STX1B: variants seen among roughly 807,000 people sequenced by gnomAD.
The protein encoded by STX1B is syntaxin-1B.
Under a neutral mutation model 39.4 loss-of-function variants are expected in STX1B, and 7 were observed. The ratio of observed to expected loss-of-function variants is 0.18; its 90% CI spans 0.10 to 0.33. The LOEUF (loss-of-function observed/expected upper bound fraction) is 0.33, where lower values mean the gene tolerates loss of function less well. Ranked by LOEUF, STX1B falls within the 10% of genes least tolerant of loss-of-function variation. The probability of loss-of-function intolerance (pLI) is 1.00; values close to 1 mark genes in which losing one functional copy is unlikely to be tolerated. For missense variants in STX1B, 198 were observed against 383.2 expected, an observed-to-expected ratio of 0.52 and a Z score of 4.04; for synonymous variants, 136 against 144.1, an observed-to-expected ratio of 0.94 and a Z score of 0.40.
chr16:30,996,672 C>A lies in STX1B; in HGVS notation c.537+11G>T, dbSNP rs2143668495. ...TTTCCAAAAGCAGAGCCCGCCCCAC[C>A]CGCGGCTCACGTCATCTGTGAAGAT... On this transcript the variant is annotated intron_variant, in intron 7 of 9. Transcript: ENST00000215095. The A allele has an allele frequency of 6.2e-7, 1 of 1,612,512 alleles. No individual in the cohort carries two copies.
chr16:31,001,464 G>A lies in STX1B; in HGVS notation c.105+65C>T. 2 of 1,296,352 alleles carry A rather than the reference G, an allele frequency of 1.5e-6. No individual in the cohort carries two copies. Among genetic ancestry groups the A allele is most frequent in the Non-Finnish European group, 2.1e-6 (2 of 932,686 alleles). The allele number at this position is 1,296,352 out of a possible 1,614,324, so 80.3% of individuals were successfully genotyped here. ...GTGCCGGGGCTGAGGCTGGGCGGTGGGACTAGGGGCTGGGGCTGGGTGCTG... is the reference window on the plus strand; with the variant it reads ...GTGCCGGGGCTGAGGCTGGGCGGTGAGACTAGGGGCTGGGGCTGGGTGCTG... On this transcript the variant is annotated intron_variant, in intron 2 of 9. Coordinates refer to ENST00000215095, the MANE Select transcript of STX1B (RefSeq NM_052874.5). This position sits in a 1 kb window ranked among gnomAD's most constrained non-coding sequence, Gnocchi z 5.5.
chr16:30,992,984 G>T, intron 9 of STX1B, 83 bp from the exon 10 acceptor site: 1 of 1,368,482 alleles, frequency 7.3e-7, no homozygotes, highest in Non-Finnish European at 1.0e-6. Flanking sequence ...AGGGCAGAGG[G>T]TGGCAGGGAG....
intron 7 of STX1B, among the ~76,000 whole-genome samples, chr16:30,994,815 A>T (rs2056583049): frequency 6.8e-6 from 1 of 146,224 alleles, no homozygotes; most frequent in Non-Finnish European, 1.5e-5. Flanking sequence ...CTCTCCCCTC[A>T]TCTCCTGCTC....
chr16:30,994,246 T>C (rs34454770), intron 7 of STX1B, among the ~76,000 whole-genome samples: 41,350 of 148,608 alleles, frequency 0.28, 7,512 homozygotes, highest in South Asian at 0.69. Context: ...GAGCCGAGAT[T>C]GCGCCACTGC....
intron 1 of STX1B, 126 bp downstream of exon 1, chr16:31,010,241 T>A: frequency 4.6e-6 from 3 of 652,128 alleles, no homozygotes; most frequent in Non-Finnish European, 7.0e-6. Flanking sequence ...GATACTGGGG[T>A]GCTCCGGCTA....
chr16:30,994,225 G>C (rs533918915), intron 7 of STX1B, among the ~76,000 whole-genome samples: 1 of 151,730 alleles, frequency 6.6e-6, no homozygotes, highest in South Asian at 2.1e-4. Flanking sequence ...CCGGGAGGCG[G>C]AGCTTGCAGT....
At chr16:31,004,771 A>G (rs372393140) in intron 1 of STX1B, among the ~76,000 whole-genome samples, 3 of 152,108 alleles carry the variant, frequency 2.0e-5, no homozygotes, top group African/African-American at 4.8e-5. Flanking sequence ...CTGAGTGGTA[A>G]CAATGCCTAC....
intron 1 of STX1B, 150 bp downstream of exon 1, chr16:31,010,217 A>C: frequency 2.1e-6 from 1 of 478,152 alleles, no homozygotes. Context: ...CTGGAGAGAC[A>C]TCAGGCGCCT....
At position 30,991,539 on chromosome 16, in the gene STX1B, G is replaced by A. The variant is rs1251300589; in HGVS notation, c.*1282C>T. The stretch of plus-strand genomic sequence containing the variant: ...GTGTGTGTGTGTGTGTAATACGCAG[G>A]GCAGAAACACACCATGTAGGTCAGG... On this transcript the variant is annotated 3_prime_UTR_variant, in exon 10 of 10. Coordinates refer to ENST00000215095, the MANE Select transcript of STX1B (RefSeq NM_052874.5). 1 of 152,556 alleles carries A rather than the reference G, an allele frequency of 6.6e-6. No individual in the cohort carries two copies. The highest frequency in any genetic ancestry group is 2.4e-5 in the African/African-American group (1 of 41,350). The allele number at this position is 152,556 out of a possible 1,614,324, so 9.5% of individuals were successfully genotyped here.
chr16:30,997,522 G>A lies in STX1B; in HGVS notation c.334C>T (p.Leu112=). Residue 112 remains leucine (L), a synonymous_variant, in exon 5 of 10, where the codon CTG becomes TTG. Transcript: ENST00000215095. ...CCTACCTGGGTCTTGCGGATGCGCA[G>A]GTCCGCGGAGGAACGGTTCAGCCCC... is the stretch of plus-strand genomic sequence containing the variant. ...EEGLNRSSAD[L]RIRKTQHSTL... 1 of 1,609,328 alleles carries A rather than the reference G, an allele frequency of 6.2e-7. No individual in the cohort carries two copies. The highest frequency in any genetic ancestry group is 2.2e-5 in the East Asian group (1 of 44,652).
chr16:31,004,871 T>C (rs1337109928), intron 1 of STX1B, among the ~76,000 whole-genome samples: 1 of 151,988 alleles, frequency 6.6e-6, no homozygotes, highest in African/African-American at 2.4e-5. Context: ...AGGCCAGAGG[T>C]AGGACCTGAA....
chr16:31,002,652 G>A (rs2056636579), intron 1 of STX1B, among the ~76,000 whole-genome samples: 1 of 152,160 alleles, frequency 6.6e-6, no homozygotes, highest in African/African-American at 2.4e-5. Flanking sequence ...GAGGTGCCCT[G>A]TGCTACACAC....
intron 7 of STX1B, chr16:30,996,282 C>T (rs541913005): frequency 5.9e-6 from 1 of 169,578 alleles, no homozygotes; most frequent in Non-Finnish European, 1.3e-5. Context: ...CAGAGTATGT[C>T]GTGTATCCTA....
chr16:31,001,383 G>GA lies in STX1B; in HGVS notation c.105+145_105+146insT. The GA allele has an allele frequency of 3.7e-6, 3 of 819,114 alleles. No homozygotes were observed. Among genetic ancestry groups the GA allele is most frequent in the Non-Finnish European group, 5.8e-6 (3 of 517,234 alleles). The allele number at this position is 819,114 out of a possible 1,614,324, so 50.7% of individuals were successfully genotyped here. A position where few individuals can be genotyped will look rare whatever the true frequency, so the allele number is the denominator to read the frequency against. ...CGGTGGCTAGGGGCTGGGTGCCGGGGCTGCGGCTGGGCGGTGGGACTAGGG... is the reference window on the plus strand; with the variant it reads ...CGGTGGCTAGGGGCTGGGTGCCGGGGACTGCGGCTGGGCGGTGGGACTAGGG... On this transcript the variant is annotated intron_variant, in intron 2 of 9. Coordinates refer to ENST00000215095, the MANE Select transcript of STX1B (RefSeq NM_052874.5). The surrounding 1 kb of genome is among the most constrained non-coding windows in gnomAD (Gnocchi z 5.5).
At chr16:31,008,328 C>G (rs1484306142) in intron 1 of STX1B, among the ~76,000 whole-genome samples, 2 of 151,628 alleles carry the variant, frequency 1.3e-5, no homozygotes, top group African/African-American at 4.8e-5. Flanking sequence ...TCCACACCAC[C>G]TCCGGCAGCC....
Position 30,994,421 on chromosome 16 carries a change from C to CAAAAAAA in STX1B, c.538-944_538-938dup, listed in dbSNP as rs543652303. ...CAACATAGTGAGACTTTGTTTCTAT[C>CAAAAAAA]AAAAAAAAAAAAAAAAAAGGAAATT... On this transcript the variant is annotated intron_variant, in intron 7 of 9. Transcript: ENST00000215095. Among the ~76,000 whole-genome samples, 19 of 111,326 alleles carry CAAAAAAA rather than the reference C, an allele frequency of 1.7e-4. No homozygotes were observed. In the East Asian group the frequency reaches 5.1e-3, roughly 30 times the overall value. 73.0% of individuals were successfully genotyped at this position (111,326 alleles called of 152,430 possible). A position where few individuals can be genotyped will look rare whatever the true frequency, so the allele number is the denominator to read the frequency against.
Position 30,993,462 on chromosome 16 carries a change from G to A in STX1B, c.560C>T (p.Thr187Met), listed in dbSNP as rs753358277. The A allele has an allele frequency of 8.7e-6, 14 of 1,613,734 alleles. No individual in the cohort carries two copies. Among genetic ancestry groups the A allele is most frequent in the Non-Finnish European group, 1.1e-5 (13 of 1,180,036 alleles). The change falls in exon 8 of 10, where the codon ACG becomes ATG. Residue 187 changes from threonine (T) to methionine (M), a missense_variant. Transcript: ENST00000215095. ...CTCAATCTCATTCAGCGCCTGCTTCGTCATCTGTGAGTCCATTTTGATCTA... is the reference window on the plus strand; with the variant it reads ...CTCAATCTCATTCAGCGCCTGCTTCATCATCTGTGAGTCCATTTTGATCTA... ...TDDIKMDSQM[T>M]KQALNEIETR...
intron 1 of STX1B, among the ~76,000 whole-genome samples, chr16:31,002,051 C>A (rs767868218): frequency 2.0e-5 from 3 of 152,116 alleles, no homozygotes; most frequent in Non-Finnish European, 4.4e-5. Context: ...CCCCACCTGA[C>A]CAGACATGTC....
chr16:30,993,626 T>C, intron 7 of STX1B, 142 bp from the exon 8 acceptor site: 1 of 933,884 alleles, frequency 1.1e-6, no homozygotes, highest in Admixed American at 2.5e-5. Flanking sequence ...GGCCTCAGTT[T>C]CCCCACCTAG....
Sources: gnomAD v4.1 joint callset for allele counts (sites outside exome capture counted in the v4.1 genomes callset) on GRCh38, gnomAD v4.1.1 for gene constraint, Gnocchi (gnomAD v3.1) non-coding constraint, MANE v1.5 for transcripts, NCBI Gene and HGNC (gene_info 2026-07-23, HGNC 2026-07-21) for gene names.